The following NDST2 variants were observed in gnomAD, a reference collection of about 807,000 sequenced individuals.
NDST2 encodes the protein N-deacetylase and N-sulfotransferase 2.
In NDST2, 32 loss-of-function variants were observed where a neutral mutation model predicts 86.9. The ratio of observed to expected loss-of-function variants is 0.37; its 90% confidence interval spans 0.28 to 0.49. NDST2 has a LOEUF of 0.49. NDST2 is among the 20% of genes least tolerant of loss of function. The pLI is 0.97. For missense variants in NDST2, 950 were observed against 1,146.9 expected, an observed-to-expected ratio of 0.83 and a Z score of 2.48; for synonymous variants, 409 against 437.0, an observed-to-expected ratio of 0.94 and a Z score of 0.80.
In NDST2 at chr10:73,808,086, T is replaced by C; in HGVS notation, c.303A>G (p.Glu101=). 6.2e-7 allele frequency: 1 copy of C among 1,614,196 alleles called. No homozygotes were observed. Among genetic ancestry groups the C allele is most frequent in the African/African-American group, 1.3e-5 (1 of 75,038 alleles). The change falls in exon 3 of 15, where the codon GAA becomes GAG. Residue 101 remains glutamate, a synonymous_variant. Transcript: ENST00000309979. The surrounding 1 kb of genome is among the most constrained non-coding windows in gnomAD (Gnocchi z 4.3). ...VESAYSQLGQ[E]IVAILESSRF... ...GACTAGACTCCAGGATGGCCACAAT[T>C]TCCTGCCCCAGCTGTGAGTATGCAC... is the stretch of plus-strand genomic sequence containing the variant.
chr10:73,809,712 T>G (rs1350291051), intron 2 of NDST2, among the ~76,000 whole-genome samples: 2 of 152,162 alleles, frequency 1.3e-5, no homozygotes, highest in African/African-American at 2.4e-5. Flanking sequence ...GAAAACAGTT[T>G]TAAGGAGGTC....
chr10:73,806,554 TAAAG>T lies in NDST2; in HGVS notation c.1249-84_1249-81del, dbSNP rs886925236. The T allele has an allele frequency of 6.4e-6, 10 of 1,553,530 alleles. No individual in the cohort carries two copies. The highest frequency in any genetic ancestry group is 5.5e-5 in the African/African-American group (4 of 72,702). ...TAAAGAGGGTGGGGAAGCCTCCAAA[TAAAG>T]AAAAACGCAAAGGATAGGAAAAGGG... On this transcript the variant is annotated intron_variant, in intron 5 of 14. Coordinates refer to ENST00000309979, the MANE Select transcript of NDST2 (RefSeq NM_003635.4). The surrounding 1 kb of genome is among the most constrained non-coding windows in gnomAD (Gnocchi z 4.5).
intron 13 of NDST2, 97 bp downstream of exon 13, chr10:73,802,875 C>T (rs1220375139): frequency 6.7e-7 from 1 of 1,500,540 alleles, no homozygotes; most frequent in African/African-American, 1.4e-5. Context: ...CATGTCTCTC[C>T]TTGTGAGACA....
In NDST2 at chr10:73,807,622, A is replaced by G; in HGVS notation, c.767T>C (p.Val256Ala). 1 of 1,614,238 alleles carries G rather than the reference A, an allele frequency of 6.2e-7. No individual in the cohort carries two copies. Among genetic ancestry groups the G allele is most frequent in the Non-Finnish European group, 8.5e-7 (1 of 1,180,044 alleles). ...AGTGGGAAGCCGGGCCCGACGAAGA[A>G]CTGGTCCTGGCACTGCGGGCTCAGC... ...RPAEPAVPGPVLRRARLPTVV... is the reference protein window; with the variant it reads ...RPAEPAVPGPALRRARLPTVV... Residue 256 changes from valine to alanine, a missense_variant, in exon 3 of 15, where the codon GTT becomes GCT. This residue lies in a region of NDST2 where 586 missense variants were observed against 714.0 expected (regional missense o/e 0.82). Transcript: ENST00000309979.
At chr10:73,811,794 A>G (rs1194014565), upstream of NDST2, 4 of 151,724 alleles carry the variant, frequency 2.6e-5, no homozygotes, top group African/African-American at 9.7e-5. Flanking sequence ...GCGGAAGCGC[A>G]CCCCCTCCTC....
At position 73,808,556 on chromosome 10, in the gene NDST2, G is replaced by C. The variant is rs1374043104; in HGVS notation, c.-168C>G. On this transcript the variant is annotated 5_prime_UTR_variant, in exon 3 of 15. Coordinates refer to ENST00000309979, the MANE Select transcript of NDST2 (RefSeq NM_003635.4). The surrounding 1 kb of genome is among the most constrained non-coding windows in gnomAD (Gnocchi z 4.3). ...GTGGAGACGAGTCCCCTTAGCATAG[G>C]GTAGGGGAGGTAGAAGGGGAAGCAG... 1 of 479,254 alleles carries C rather than the reference G, an allele frequency of 2.1e-6. No individual in the cohort carries two copies. Among genetic ancestry groups the C allele is most frequent in the Non-Finnish European group, 3.6e-6 (1 of 276,526 alleles). 29.7% of individuals were successfully genotyped at this position (479,254 alleles called of 1,614,324 possible). A position where few individuals can be genotyped will look rare whatever the true frequency, so the allele number is the denominator to read the frequency against.
chr10:73,805,799 G>C, intron 7 of NDST2, 30 bp from the exon 8 acceptor site: 1 of 1,613,592 alleles, frequency 6.2e-7, no homozygotes. Flanking sequence ...GTCAGATTTG[G>C]AGAGCCTACC....
chr10:73,803,561 G>A lies in NDST2; in HGVS notation c.2142+13C>T. On this transcript the variant is annotated intron_variant, in intron 11 of 14. Transcript: ENST00000309979. ...CCAACCTTTAGCCTGTGTGTCCCTAGCTTCAGGCAGACCTGGTACCAGGAG... is the reference window on the plus strand; with the variant it reads ...CCAACCTTTAGCCTGTGTGTCCCTAACTTCAGGCAGACCTGGTACCAGGAG... 6.4e-7 allele frequency: 1 copy of A among 1,553,416 alleles called. No individual in the cohort carries two copies. Among genetic ancestry groups the A allele is most frequent in the African/African-American group, 1.5e-5 (1 of 65,842 alleles).
rs1193130490 is a variant in NDST2, at chr10:73,805,734, T to C, written c.1599A>G (p.Gly533=). The part of the protein sequence containing the change: ...SIFMTHLSNY[G]NDRLGLYTFE... ...AGGTGTATAGGCCCAGCCGGTCATT[T>C]CCATAATTGGACAGATGGGTCATAA... is the stretch of plus-strand genomic sequence containing the variant. Residue 533 remains glycine, a synonymous_variant, in exon 8 of 15, where the codon GGA becomes GGG. Transcript: ENST00000309979. 7 of 1,614,198 alleles carry C rather than the reference T, an allele frequency of 4.3e-6. No homozygotes were observed. The East Asian group carries it at 1.6e-4, about 36-fold the overall frequency.
chr10:73,804,581 G>A (rs1052040279), intron 9 of NDST2, among the ~76,000 whole-genome samples, 192 bp downstream of exon 9: 16 of 151,990 alleles, frequency 1.1e-4, no homozygotes, highest in South Asian at 2.1e-4. Flanking sequence ...AGGTTGTAGT[G>A]AGCTGAGATC....
Position 73,802,520 on chromosome 10 carries a change from C to T in NDST2, c.2583G>A (p.Leu861=), listed in dbSNP as rs750913917. The T allele has an allele frequency of 1.2e-6, 2 of 1,614,096 alleles. No individual in the cohort carries two copies. Among genetic ancestry groups the T allele is most frequent in the Non-Finnish European group, 1.7e-6 (2 of 1,180,038 alleles). Residue 861 remains leucine (L), a synonymous_variant, in exon 15 of 15, where the codon CTG becomes CTA. Coordinates refer to ENST00000309979, the MANE Select transcript of NDST2 (RefSeq NM_003635.4). The stretch of plus-strand genomic sequence containing the variant: ...GCACTGGCTGTCCAAGCCGGCTCAG[C>T]AGCTTCGACAACTCCAAATTATGGT... The part of the protein sequence containing the change: ...FRNHNLELSK[L]LSRLGQPVPS...
intron 9 of NDST2, 64 bp from the exon 10 acceptor site, chr10:73,804,080 T>C (rs780041260): frequency 5.0e-6 from 8 of 1,585,428 alleles, no homozygotes; most frequent in Non-Finnish European, 6.9e-6. Flanking sequence ...CTCAACAGCA[T>C]AAGCTTGAAG....
rs570306577 is a variant in NDST2, at chr10:73,810,847, G to A, written c.-390C>T. The A allele has an allele frequency of 6.8e-5, 27 of 399,132 alleles. No homozygotes were observed. In the Admixed American group the frequency reaches 7.0e-4, roughly 10 times the overall value. 24.7% of individuals were successfully genotyped at this position (399,132 alleles called of 1,614,324 possible). On this transcript the variant is annotated 5_prime_UTR_variant, in exon 2 of 15. The change creates a new upstream start codon in the 5' untranslated region. Coordinates refer to ENST00000309979, the MANE Select transcript of NDST2 (RefSeq NM_003635.4). ...GTTGGTGGGAGGGCTGGGATTCGAC[G>A]TCAGGCCTGTCAAGCTCCAGAGCCG...
Position 73,806,343 on chromosome 10 carries a change from A to G in NDST2, c.1380T>C (p.Tyr460=). 2.5e-6 allele frequency: 4 copies of G among 1,614,124 alleles called. No individual in the cohort carries two copies. Among genetic ancestry groups the G allele is most frequent in the Non-Finnish European group, 3.4e-6 (4 of 1,180,008 alleles). The change falls in exon 6 of 15, where the codon TAT becomes TAC. Residue 460 remains tyrosine, a synonymous_variant. Coordinates refer to ENST00000309979, the MANE Select transcript of NDST2 (RefSeq NM_003635.4). This position sits in a 1 kb window ranked among gnomAD's most constrained non-coding sequence, Gnocchi z 4.5. ...GGTAGCGGGCAGGGCGGAGATGGGGATACTCCTCAGTGCTGGTCACCTGGA... is the reference window on the plus strand; with the variant it reads ...GGTAGCGGGCAGGGCGGAGATGGGGGTACTCCTCAGTGCTGGTCACCTGGA... ...WGIQVTSTEE[Y]PHLRPARYRR...
rs960199571 is a variant in NDST2 at position 73,803,613 on chromosome 10, C to T, written c.2103G>A (p.Val701=). The change falls in exon 11 of 15, where the codon GTG becomes GTA. Residue 701 remains valine (V), a synonymous_variant. Transcript: ENST00000309979. ...ALLPRAKIIT[V]LTNPADRAYS... is the part of the protein sequence containing the mutation. ...AGGCCCTGTCAGCAGGGTTGGTGAGCACTGTGATGATCTTGGCTCGTGGCA... is the reference window on the plus strand; with the variant it reads ...AGGCCCTGTCAGCAGGGTTGGTGAGTACTGTGATGATCTTGGCTCGTGGCA... The T allele has an allele frequency of 1.2e-6, 2 of 1,611,352 alleles. No homozygotes were observed. The highest frequency in any genetic ancestry group is 1.7e-6 in the Non-Finnish European group (2 of 1,179,198).
rs769638804 is a variant in NDST2, at chr10:73,806,364, C to G, written c.1359G>C (p.Gln453His). The G allele has an allele frequency of 1.2e-6, 2 of 1,614,042 alleles. No individual in the cohort carries two copies. The highest frequency in any genetic ancestry group is 1.7e-6 in the Non-Finnish European group (2 of 1,180,042). Residue 453 changes from glutamine to histidine, a missense_variant, in exon 6 of 15, where the codon CAG (glutamine) becomes CAC (histidine). Around this residue, in one of 5 missense-constraint regions of NDST2, gnomAD observed 586 missense variants for 714.0 expected, o/e 0.82. Coordinates refer to ENST00000309979, the MANE Select transcript of NDST2 (RefSeq NM_003635.4). This position sits in a 1 kb window ranked among gnomAD's most constrained non-coding sequence, Gnocchi z 4.5. ...YEAWKSVWGI[Q>H]VTSTEEYPHL... The stretch of plus-strand genomic sequence containing the variant: ...GGGGATACTCCTCAGTGCTGGTCAC[C>G]TGGATGCCCCACACGGATTTCCAGG...
intron 11 of NDST2, 55 bp downstream of exon 11, chr10:73,803,519 T>TC (rs1346768061): frequency 1.1e-5 from 6 of 566,068 alleles, no homozygotes; most frequent in African/African-American, 1.0e-4. Context: ...GCAGTCACTG[T>TC]CCCCTCCCCC....
chr10:73,810,764 A>G, intron 2 of NDST2, 35 bp downstream of exon 2: 1 of 398,838 alleles, frequency 2.5e-6, no homozygotes, highest in Admixed American at 4.4e-5. Context: ...CATTATCCCC[A>G]TTTCACATAT....
In NDST2 at chr10:73,801,959, A is replaced by T; in HGVS notation, c.*492T>A. 2.6e-6 allele frequency: 1 copy of T among 385,950 alleles called. No individual in the cohort carries two copies. Among genetic ancestry groups the T allele is most frequent in the South Asian group, 2.2e-5 (1 of 45,780 alleles). The allele number at this position is 385,950 out of a possible 1,614,324, so 23.9% of individuals were successfully genotyped here. ...TTAAGGACATTTCTAGCCCACAGCT[A>T]GGGCTCATACTCGGCTCTATGAGCC... On this transcript the variant is annotated 3_prime_UTR_variant, in exon 15 of 15. Transcript: ENST00000309979. The surrounding 1 kb of genome is among the most constrained non-coding windows in gnomAD (Gnocchi z 4.9).
Sources: allele counts gnomAD v4.1 joint callset (sites outside exome capture counted in the v4.1 genomes callset), GRCh38; gene constraint gnomAD v4.1.1; regional missense constraint gnomAD v4.1.1; non-coding constraint Gnocchi (gnomAD v3.1); transcripts MANE v1.5; gene names NCBI Gene and HGNC (gene_info 2026-07-23, HGNC 2026-07-21).